The following SSBP2 variants were observed in gnomAD, a reference collection of about 807,000 sequenced individuals.
SSBP2 encodes the protein single stranded DNA binding protein 2.
Under a neutral mutation model 61.8 loss-of-function variants are expected in SSBP2, and 17 were observed. That is an observed-to-expected ratio of 0.28 (90% CI 0.19 to 0.41). The LOEUF (loss-of-function observed/expected upper bound fraction) is 0.41, where lower values mean the gene tolerates loss of function less well. Among genes scored for constraint, SSBP2 ranks in the 10% least tolerant of loss-of-function variants. The pLI is 1.00. For missense variants in SSBP2, 310 were observed against 458.7 expected (o/e 0.68, Z 2.96); for synonymous variants, 139 against 141.3 (o/e 0.98, Z 0.12).
chr5:81,445,176 A>ATATATATATC (rs1188731137), intron 12 of SSBP2, among the ~76,000 whole-genome samples: 2 of 79,584 alleles, frequency 2.5e-5, no homozygotes, highest in African/African-American at 1.2e-4. Flanking sequence ...ATATATATAT[A>ATATATATATC]TGTATGTATT....
At chr5:81,493,123 A>G (rs1431193276) in intron 5 of SSBP2, among the ~76,000 whole-genome samples, 2 of 152,008 alleles carry the variant, frequency 1.3e-5, no homozygotes, top group East Asian at 1.9e-4. Flanking sequence ...TTAAAGGTCA[A>G]TTAGGAGAAT....
At chr5:81,562,188 G>A (rs1438401527) in intron 4 of SSBP2, among the ~76,000 whole-genome samples, 1 of 152,038 alleles carries the variant, frequency 6.6e-6, no homozygotes, top group African/African-American at 2.4e-5. Flanking sequence ...TTACAGGCTT[G>A]AGCCACCGCC....
At chr5:81,739,876 G>A (rs1159474883) in intron 1 of SSBP2, among the ~76,000 whole-genome samples, 1 of 152,082 alleles carries the variant, frequency 6.6e-6, no homozygotes, top group Non-Finnish European at 1.5e-5. Context: ...CTTTAAGAGA[G>A]CCATTCTGCT....
At chr5:81,501,806 T>G (rs537388185) in intron 5 of SSBP2, among the ~76,000 whole-genome samples, 10 of 151,930 alleles carry the variant, frequency 6.6e-5, no homozygotes, top group African/African-American at 2.2e-4. Flanking sequence ...CTCGTGATCC[T>G]CCCGCCTTGG....
intron 15 of SSBP2, among the ~76,000 whole-genome samples, chr5:81,433,128 C>G (rs1049776469): frequency 6.6e-6 from 1 of 151,930 alleles, no homozygotes; most frequent in African/African-American, 2.4e-5. Context: ...TCATTGAGAA[C>G]GGGCCATGAT....
At chr5:81,654,115 C>T (rs1750004532) in intron 1 of SSBP2, among the ~76,000 whole-genome samples, 1 of 151,946 alleles carries the variant, frequency 6.6e-6, no homozygotes, top group Non-Finnish European at 1.5e-5. Flanking sequence ...AGTCACACAC[C>T]ACCACATCTG....
At chr5:81,525,894 C>A (rs1769894608) in intron 4 of SSBP2, among the ~76,000 whole-genome samples, 1 of 152,018 alleles carries the variant, frequency 6.6e-6, no homozygotes. Context: ...CACAGCACTT[C>A]TATTTAAGAA....
chr5:81,730,803 A>C (rs527876164), intron 1 of SSBP2, among the ~76,000 whole-genome samples: 1 of 152,350 alleles, frequency 6.6e-6, no homozygotes, highest in East Asian at 1.9e-4. Flanking sequence ...TTAAGTGATG[A>C]AATTGAAGCA....
At chr5:81,422,437 A>G (rs1761671301) in intron 16 of SSBP2, among the ~76,000 whole-genome samples, 12 of 152,172 alleles carry the variant, frequency 7.9e-5, no homozygotes, top group Admixed American at 7.9e-4. Flanking sequence ...TTCCTGAGGA[A>G]AGGTGGGTGA....
chr5:81,587,763 G>GCGCACA (rs138057328), intron 4 of SSBP2, among the ~76,000 whole-genome samples: 56 of 149,032 alleles, frequency 3.8e-4, no homozygotes, highest in East Asian at 4.0e-4. Context: ...ACACGCGCGC[G>GCGCACA]CACACACACA....
At chr5:81,555,043 C>T (rs1772487155) in intron 4 of SSBP2, among the ~76,000 whole-genome samples, 1 of 152,074 alleles carries the variant, frequency 6.6e-6, no homozygotes, top group African/African-American at 2.4e-5. Flanking sequence ...TGGTTAATAA[C>T]AGTACTTCAC....
chr5:81,742,198 T>C (rs1173553321), intron 1 of SSBP2, among the ~76,000 whole-genome samples: 2 of 152,218 alleles, frequency 1.3e-5, no homozygotes, highest in East Asian at 3.8e-4. Flanking sequence ...ATTTCATTTA[T>C]ATTAAATTTA....
chr5:81,460,405 C>T (rs1764456250), intron 10 of SSBP2, among the ~76,000 whole-genome samples: 1 of 152,130 alleles, frequency 6.6e-6, no homozygotes, highest in African/African-American at 2.4e-5. Context: ...TCCAGGATCA[C>T]AACATTAAAA....
chr5:81,440,773 G>T, intron 13 of SSBP2, 137 bp from the exon 14 acceptor site: 1 of 615,966 alleles, frequency 1.6e-6, no homozygotes, highest in Non-Finnish European at 2.8e-6. Context: ...TTTACTTGAT[G>T]TTTTTCAGCC....
chr5:81,627,116 T>C (rs1747250192), intron 3 of SSBP2, among the ~76,000 whole-genome samples: 1 of 152,172 alleles, frequency 6.6e-6, no homozygotes, highest in African/African-American at 2.4e-5. Flanking sequence ...AATAAAAAGT[T>C]TTCTAATTAA....
intron 1 of SSBP2, among the ~76,000 whole-genome samples, chr5:81,733,997 A>C (rs1209354934): frequency 1.3e-5 from 2 of 152,240 alleles, no homozygotes; most frequent in Non-Finnish European, 2.9e-5. Context: ...CTACAGAAAC[A>C]ATCAGAAATA....
chr5:81,445,166 ATATATATATATG>A (rs1337007755), intron 12 of SSBP2, among the ~76,000 whole-genome samples: 1,872 of 98,208 alleles, frequency 0.019, 276 homozygotes, highest in African/African-American at 0.051. Flanking sequence ...ATATATATAT[ATATATATATATG>A]TATGTATTTA....
At chr5:81,696,882 T>C (rs2153862870) in intron 1 of SSBP2, among the ~76,000 whole-genome samples, 1 of 152,302 alleles carries the variant, frequency 6.6e-6, no homozygotes, top group Non-Finnish European at 1.5e-5. Flanking sequence ...ATTCCTCACC[T>C]GGCATCTGGC....
At chr5:81,441,148 G>A (rs1022203834) in intron 13 of SSBP2, among the ~76,000 whole-genome samples, 3 of 152,182 alleles carry the variant, frequency 2.0e-5, no homozygotes, top group Admixed American at 2.0e-4. Context: ...CCTTGGGGAT[G>A]GCTGAATATA....
Sources: gnomAD v4.1 joint callset for allele counts (sites outside exome capture counted in the v4.1 genomes callset) on GRCh38, gnomAD v4.1.1 for gene constraint, MANE v1.5 for transcripts, NCBI Gene and HGNC (gene_info 2026-07-23, HGNC 2026-07-21) for gene names.